ADGRL2: variants seen among roughly 807,000 people sequenced by gnomAD.
ADGRL2 encodes adhesion G protein-coupled receptor L2.
Under a neutral mutation model 157.4 loss-of-function variants are expected in ADGRL2, and 44 were observed. The observed-to-expected ratio is 0.28, with a 90% CI of 0.22 to 0.36. The LOEUF (loss-of-function observed/expected upper bound fraction) is 0.36. Among genes scored for constraint, ADGRL2 ranks in the 10% least tolerant of loss-of-function variants. The pLI is 1.00. For missense variants in ADGRL2, 1,510 were observed against 1,768.9 expected, an observed-to-expected ratio of 0.85 and a Z score of 2.63; for synonymous variants, 585 against 624.7, an observed-to-expected ratio of 0.94 and a Z score of 0.95.
chr1:81,779,909 T>C (rs1409869934), intron 2 of ADGRL2, among the ~76,000 whole-genome samples: 1 of 152,194 alleles, frequency 6.6e-6, no homozygotes, highest in Non-Finnish European at 1.5e-5. Flanking sequence ...AAATTGTCAC[T>C]ATTTTGCTTT....
At chr1:81,953,570 C>T (rs1216285309) in intron 10 of ADGRL2, among the ~76,000 whole-genome samples, 1 of 152,076 alleles carries the variant, frequency 6.6e-6, no homozygotes, top group African/African-American at 2.4e-5. Flanking sequence ...GTATATGTTA[C>T]ATACTGTTTT....
intron 1 of ADGRL2, among the ~76,000 whole-genome samples, chr1:81,354,741 C>A (rs1264555964): frequency 2.0e-5 from 3 of 152,134 alleles, no homozygotes; most frequent in African/African-American, 7.2e-5. Context: ...TTATATTTTG[C>A]TTCACAAGAA....
chr1:81,417,165 G>A (rs926588720), intron 1 of ADGRL2, among the ~76,000 whole-genome samples: 6 of 151,878 alleles, frequency 4.0e-5, no homozygotes, highest in African/African-American at 7.3e-5. Flanking sequence ...AATCTGTTGC[G>A]ACCCATGCAG....
chr1:81,704,741 A>T (rs1428938118), intron 1 of ADGRL2, among the ~76,000 whole-genome samples: 1 of 152,254 alleles, frequency 6.6e-6, no homozygotes, highest in African/African-American at 2.4e-5. Context: ...AACTCACCTT[A>T]ATTCAAAACC....
intron 1 of ADGRL2, among the ~76,000 whole-genome samples, chr1:81,309,413 C>T (rs1380795294): frequency 1.3e-5 from 2 of 152,056 alleles, no homozygotes; most frequent in African/African-American, 2.4e-5. Flanking sequence ...TTAGCCAAGG[C>T]CACACAGTTG....
chr1:81,637,636 TA>T, intron 3 of ADGRL2, among the ~76,000 whole-genome samples: 1 of 152,374 alleles, frequency 6.6e-6, no homozygotes, highest in Non-Finnish European at 1.5e-5. Flanking sequence ...TTATTGTTTG[TA>T]AAATATTGTT....
intron 1 of ADGRL2, among the ~76,000 whole-genome samples, chr1:81,752,968 C>A (rs1406268910): frequency 6.6e-6 from 1 of 152,058 alleles, no homozygotes; most frequent in South Asian, 2.1e-4. Flanking sequence ...TTTAAAAGAG[C>A]ACAGCAAATA....
chr1:81,492,133 G>A (rs1186834639), intron 2 of ADGRL2, among the ~76,000 whole-genome samples: 1 of 152,112 alleles, frequency 6.6e-6, no homozygotes, highest in Non-Finnish European at 1.5e-5. Context: ...TTTCTAGTAG[G>A]AAATAAAGAC....
chr1:81,915,512 G>C (rs1172103228), intron 3 of ADGRL2, among the ~76,000 whole-genome samples: 1 of 152,060 alleles, frequency 6.6e-6, no homozygotes, highest in African/African-American at 2.4e-5. Flanking sequence ...TTTGTATTAT[G>C]TCCATTGATT....
chr1:81,703,024 G>A (rs974585447), intron 1 of ADGRL2, among the ~76,000 whole-genome samples: 2 of 152,172 alleles, frequency 1.3e-5, no homozygotes, highest in Non-Finnish European at 1.5e-5. Flanking sequence ...AACACACTGG[G>A]GTAGTTCAGG....
At chr1:81,528,117 C>A (rs536523841) in intron 2 of ADGRL2, among the ~76,000 whole-genome samples, 23 of 152,088 alleles carry the variant, frequency 1.5e-4, no homozygotes, top group Non-Finnish European at 2.8e-4. Flanking sequence ...CAGAGTGAAC[C>A]CTTACCAGAC....
At chr1:81,832,968 A>C (rs886180691) in intron 1 of ADGRL2, among the ~76,000 whole-genome samples, 20 of 152,228 alleles carry the variant, frequency 1.3e-4, no homozygotes, top group Non-Finnish European at 2.5e-4. Flanking sequence ...GCTAAAGTGA[A>C]ATAAAACTAT....
At chr1:81,418,581 C>T (rs1351458324) in intron 1 of ADGRL2, among the ~76,000 whole-genome samples, 1 of 142,810 alleles carries the variant, frequency 7.0e-6, no homozygotes, top group Non-Finnish European at 1.5e-5. Context: ...GAAACCCCGT[C>T]TCTACTAAAA....
chr1:81,846,612 C>A (rs1380736682), intron 2 of ADGRL2, among the ~76,000 whole-genome samples: 3 of 151,848 alleles, frequency 2.0e-5, no homozygotes, highest in African/African-American at 7.2e-5. Context: ...TCTTACTATT[C>A]CTGTACCCAT....
intron 2 of ADGRL2, among the ~76,000 whole-genome samples, chr1:81,860,173 G>A (rs1221064052): frequency 6.6e-6 from 1 of 152,086 alleles, no homozygotes. Flanking sequence ...GCAGTGAGCC[G>A]AGATCATGCC....
intron 2 of ADGRL2, among the ~76,000 whole-genome samples, chr1:81,771,146 G>A (rs2149346101): frequency 6.6e-6 from 1 of 152,236 alleles, no homozygotes; most frequent in East Asian, 1.9e-4. Flanking sequence ...AAAGAAAGTA[G>A]TTTGAACAGT....
chr1:81,453,308 A>T (rs913522737), intron 2 of ADGRL2, among the ~76,000 whole-genome samples: 1 of 152,096 alleles, frequency 6.6e-6, no homozygotes, highest in Non-Finnish European at 1.5e-5. Context: ...TTTTCTGGAA[A>T]TTGCGTTGGC....
intron 3 of ADGRL2, among the ~76,000 whole-genome samples, chr1:81,604,419 A>G (rs1402634073): frequency 6.6e-6 from 1 of 152,212 alleles, no homozygotes; most frequent in African/African-American, 2.4e-5. Context: ...CTCCCAGGTT[A>G]GAGTATAGCA....
rs531925868 is a variant in ADGRL2, at chr1:81,331,787, C to T, written c.-302+25278C>T. ...TTTTTAACAGTTAAAACTGTGAGTA[C>T]TTAGTATGCATTATGATGTAAAATG... On this transcript the variant is annotated intron_variant, in intron 1 of 24. Coordinates refer to the ADGRL2 transcript ENST00000370721. 9.2e-5 allele frequency among the ~76,000 whole-genome samples: 14 copies of T among 152,164 alleles called. No individual in the cohort carries two copies. In the South Asian group the frequency reaches 2.9e-3, roughly 32 times the overall value.
Sources: allele counts gnomAD v4.1 joint callset (sites outside exome capture counted in the v4.1 genomes callset), GRCh38; gene constraint gnomAD v4.1.1; transcripts MANE v1.5; gene names NCBI Gene and HGNC (gene_info 2026-07-23, HGNC 2026-07-21).